TCF12: variants seen among roughly 807,000 people sequenced by gnomAD.
TCF12 encodes transcription factor 12, also known as DNA-binding protein HTF4.
Under a neutral mutation model 86.0 loss-of-function variants are expected in TCF12, and 45 were observed. That is an observed-to-expected ratio of 0.52 (90% CI 0.41 to 0.67). The LOEUF is 0.67. Ranked by LOEUF, TCF12 falls within the 30% of genes least tolerant of loss-of-function variation. TCF12 has a pLI of 0.00. For missense variants in TCF12, 881 were observed against 859.9 expected (o/e 1.02, Z -0.31); for synonymous variants, 330 against 299.6 (o/e 1.10, Z -1.05).
intron 8 of TCF12, among the ~76,000 whole-genome samples, chr15:57,223,643 GTTTTT>G (rs550493641): frequency 5.5e-4 from 38 of 69,686 alleles, no homozygotes; most frequent in South Asian, 1.4e-3. Flanking sequence ...TACCAATGAG[GTTTTT>G]TTTTTTTTTT....
intron 4 of TCF12, among the ~76,000 whole-genome samples, chr15:57,071,279 G>A (rs1304945340): frequency 1.3e-5 from 2 of 151,792 alleles, no homozygotes; most frequent in African/African-American, 2.4e-5. Flanking sequence ...AGGTCTGGTG[G>A]TGCGCACCTG....
At chr15:57,017,871 A>G (rs2065245187) in intron 3 of TCF12, among the ~76,000 whole-genome samples, 1 of 151,972 alleles carries the variant, frequency 6.6e-6, no homozygotes, top group Non-Finnish European at 1.5e-5. Flanking sequence ...TTCTTCACCC[A>G]GTTTTAGAAA....
At chr15:57,149,749 C>G (rs2053609734) in intron 5 of TCF12, among the ~76,000 whole-genome samples, 2 of 152,124 alleles carry the variant, frequency 1.3e-5, no homozygotes, top group Non-Finnish European at 2.9e-5. Context: ...AGGTTATCTT[C>G]TACCTCATGC....
At chr15:57,266,799 G>A (rs956610499) in intron 18 of TCF12, among the ~76,000 whole-genome samples, 1 of 152,176 alleles carries the variant, frequency 6.6e-6, no homozygotes, top group African/African-American at 2.4e-5. Flanking sequence ...CACTTTGGGT[G>A]GCTAAGGCAG....
chr15:57,066,094 A>G (rs527615566), intron 4 of TCF12, among the ~76,000 whole-genome samples: 5 of 152,230 alleles, frequency 3.3e-5, no homozygotes, highest in African/African-American at 7.2e-5. Flanking sequence ...ATCTGGATCC[A>G]GTTTCTCCTT....
At chr15:57,274,593 T>G (rs2061293760) in intron 19 of TCF12, among the ~76,000 whole-genome samples, 1 of 152,214 alleles carries the variant, frequency 6.6e-6, no homozygotes, top group African/African-American at 2.4e-5. Context: ...AATGGTTTTT[T>G]TTCTTGAATT....
In TCF12 at chr15:57,282,228, A is replaced by G. The variant is rs78234250; in HGVS notation, c.1979-217A>G. The G allele has an allele frequency of 8.0e-4, 469 of 586,300 alleles. No individual in the cohort carries two copies. In the African/African-American group the frequency reaches 8.2e-3, roughly 10 times the overall value. The allele number at this position is 586,300 out of a possible 1,614,324, so 36.3% of individuals were successfully genotyped here. On this transcript the variant is annotated intron_variant, in intron 19 of 20. Transcript: ENST00000333725. Reference sequence around the variant, plus strand: ...AAATCAAACCCTAGAAAACTAAATCATAAGCAAAAAATGAAGAAAACACAA... The same window carrying G: ...AAATCAAACCCTAGAAAACTAAATCGTAAGCAAAAAATGAAGAAAACACAA...
At chr15:56,976,593 C>T (rs545841363) in intron 3 of TCF12, among the ~76,000 whole-genome samples, 1 of 151,308 alleles carries the variant, frequency 6.6e-6, no homozygotes, top group South Asian at 2.1e-4. Context: ...GTATTTAAGC[C>T]CTAATAAATC....
chr15:56,986,149 CAT>C (rs1444369615), intron 3 of TCF12, among the ~76,000 whole-genome samples: 1 of 152,214 alleles, frequency 6.6e-6, no homozygotes. Flanking sequence ...TTTAAAAAGA[CAT>C]AGCATGAGAA....
At chr15:56,919,705 C>T (rs546429661) in intron 1 of TCF12, 187 bp from the exon 2 acceptor site, 9 of 441,910 alleles carry the variant, frequency 2.0e-5, no homozygotes, top group African/African-American at 1.0e-4. Flanking sequence ...GCGTGGATTC[C>T]GGGACCCGGC....
chr15:57,156,712 G>A (rs2054134632), intron 5 of TCF12, among the ~76,000 whole-genome samples: 1 of 152,156 alleles, frequency 6.6e-6, no homozygotes, highest in Non-Finnish European at 1.5e-5. Flanking sequence ...AGTGTTCTCT[G>A]AACAAGTGGC....
intron 5 of TCF12, among the ~76,000 whole-genome samples, chr15:57,123,482 A>G (rs1596650893): frequency 6.7e-6 from 1 of 150,006 alleles, no homozygotes; most frequent in Non-Finnish European, 1.5e-5. Context: ...GACAATCTCC[A>G]TTTGCTGCTA....
chr15:57,081,971 T>A (rs1432273204), intron 4 of TCF12, among the ~76,000 whole-genome samples: 1 of 152,222 alleles, frequency 6.6e-6, no homozygotes, highest in Non-Finnish European at 1.5e-5. Context: ...CTATCAGCTG[T>A]GGCTTATCTA....
At chr15:56,937,814 T>C (rs1209745551) in intron 3 of TCF12, among the ~76,000 whole-genome samples, 1 of 152,180 alleles carries the variant, frequency 6.6e-6, no homozygotes, top group Non-Finnish European at 1.5e-5. Context: ...AGATGATAGA[T>C]GACTTTTGTT....
intron 16 of TCF12, among the ~76,000 whole-genome samples, 181 bp from the exon 17 acceptor site, chr15:57,261,913 C>T (rs1256853395): frequency 6.6e-6 from 1 of 152,018 alleles, no homozygotes; most frequent in African/African-American, 2.4e-5. Context: ...AGCAGTACTG[C>T]TATGAAGTAT....
At chr15:56,990,231 G>T (rs2063379953) in intron 3 of TCF12, among the ~76,000 whole-genome samples, 1 of 136,014 alleles carries the variant, frequency 7.4e-6, no homozygotes, top group Admixed American at 7.9e-5. Context: ...TCTTTATCGT[G>T]TGTGTGTGTC....
At chr15:57,265,569 T>C (rs1237831468) in intron 18 of TCF12, among the ~76,000 whole-genome samples, 1 of 152,202 alleles carries the variant, frequency 6.6e-6, no homozygotes. Context: ...ATAGTTCACA[T>C]TTATTTCATT....
intron 5 of TCF12, among the ~76,000 whole-genome samples, chr15:57,139,842 C>A (rs986386157): frequency 6.6e-6 from 1 of 152,126 alleles, no homozygotes; most frequent in African/African-American, 2.4e-5. Flanking sequence ...TATAGAAGAT[C>A]TGGAAATTAC....
At position 57,097,619 on chromosome 15, in the gene TCF12, G is replaced by A. The variant is rs142516610; in HGVS notation, c.325+5728G>A. 2.3e-3 allele frequency among the ~76,000 whole-genome samples: 346 copies of A among 152,210 alleles called. 2 individuals carry two copies. Among genetic ancestry groups the A allele is most frequent in the Admixed American group, 5.0e-3 (76 of 15,292 alleles). ...ATACTGAAAATGATTATAAAGTGTC[G>A]AAGGGAAATAGTATCTGATTTGACA... On this transcript the variant is annotated intron_variant, in intron 5 of 20. Transcript: ENST00000333725.
Sources: gnomAD v4.1 joint callset for allele counts (sites outside exome capture counted in the v4.1 genomes callset) on GRCh38, gnomAD v4.1.1 for gene constraint, MANE v1.5 for transcripts, NCBI Gene and HGNC (gene_info 2026-07-23, HGNC 2026-07-21) for gene names.